RIPOR2: variants seen among roughly 807,000 people sequenced by gnomAD.
The protein encoded by RIPOR2 is RHO family interacting cell polarization regulator 2.
In RIPOR2, 39 loss-of-function variants were observed where a neutral mutation model predicts 114.5. That is an observed-to-expected ratio of 0.34 (90% CI 0.26 to 0.44). The LOEUF is 0.44. Among genes scored for constraint, RIPOR2 ranks in the 20% least tolerant of loss-of-function variants. The pLI is 1.00. For synonymous variants in RIPOR2, 445 were observed against 484.4 expected, an observed-to-expected ratio of 0.92 and a Z score of 1.07; for missense variants, 1,007 against 1,255.1, an observed-to-expected ratio of 0.80 and a Z score of 2.99.
rs559437929 is a variant in RIPOR2 at position 24,982,643 on chromosome 6, C to A, written c.76+59208G>T. 9.9e-5 allele frequency among the ~76,000 whole-genome samples: 15 copies of A among 152,252 alleles called. No individual in the cohort carries two copies. The South Asian group carries it at 2.3e-3, about 23-fold the overall frequency. On this transcript the variant is annotated intron_variant, in intron 1 of 13. Transcript: ENST00000510784. The stretch of plus-strand genomic sequence containing the variant: ...CAAATAAAAGTAGTTGGCTTATGTG[C>A]CTATGCTTCTCTACATATAAAATGG...
intron 1 of RIPOR2, among the ~76,000 whole-genome samples, chr6:24,921,832 C>CTTTT (rs199588662): frequency 1.3e-4 from 20 of 151,040 alleles, no homozygotes; most frequent in African/African-American, 4.4e-4. Context: ...TTCTTTCTTT[C>CTTTT]TTTTTTTTAA....
chr6:24,825,561 C>T (rs1760095633), intron 18 of RIPOR2, 133 bp from the exon 19 acceptor site: 1 of 651,334 alleles, frequency 1.5e-6, no homozygotes, highest in African/African-American at 1.8e-5. Context: ...AAATTAGCAT[C>T]TGATAAAGAT....
chr6:24,896,935 T>C (rs1767937709), intron 1 of RIPOR2, among the ~76,000 whole-genome samples: 1 of 152,110 alleles, frequency 6.6e-6, no homozygotes, highest in South Asian at 2.1e-4. Flanking sequence ...ATAAAGTTGG[T>C]ATTAAATGTG....
chr6:24,946,089 A>AT (rs34818168), intron 1 of RIPOR2, among the ~76,000 whole-genome samples: 17 of 149,454 alleles, frequency 1.1e-4, no homozygotes, highest in East Asian at 3.9e-4. Flanking sequence ...TTTTTAATTA[A>AT]TTTTTTTTTT....
rs70974954 is a variant in RIPOR2, at chr6:24,961,633, CTT to C, written c.76+80216_76+80217del. Among the ~76,000 whole-genome samples, 698 of 134,274 alleles carry C rather than the reference CTT, an allele frequency of 5.2e-3. 1 individual carries two copies. The highest frequency in any genetic ancestry group is 9.1e-3 in the Admixed American group (125 of 13,664). The allele number at this position is 134,274 out of a possible 152,430, so 88.1% of individuals were successfully genotyped here. On this transcript the variant is annotated intron_variant, in intron 1 of 13. Transcript: ENST00000510784. ...TTTGGGGTACAGTTGTTATTCTAAG[CTT>C]TTTTTTTTTTTTGAGACAGTCTCGC...
chr6:24,832,310 T>G lies in RIPOR2; in HGVS notation c.2290A>C (p.Lys764Gln). The part of the protein sequence containing the change: ...KLSRQIQVME[K>Q]LAAVSDENIG... The stretch of plus-strand genomic sequence containing the variant: ...TTCTCATCACTGACAGCTGCGAGTT[T>G]CTCCATCACTTGGATCTGCCTAGAA... The change falls in exon 16 of 22, where the codon AAA (lysine) becomes CAA (glutamine). Residue 764 changes from lysine (K) to glutamine (Q), a missense_variant. By Grantham distance (53) the Lys-to-Gln change is moderately conservative. Coordinates refer to ENST00000643898, the MANE Select transcript of RIPOR2 (RefSeq NM_001286445.3). 2 of 1,551,896 alleles carry G rather than the reference T, an allele frequency of 1.3e-6. No individual in the cohort carries two copies.
rs181171716 is a variant in RIPOR2, at chr6:24,902,497, G to T, written c.62-26680C>A. 1.6e-3 allele frequency among the ~76,000 whole-genome samples: 249 copies of T among 152,182 alleles called. 2 individuals carry two copies. Among genetic ancestry groups the T allele is most frequent in the Admixed American group, 6.4e-3 (98 of 15,298 alleles). On this transcript the variant is annotated intron_variant, in intron 1 of 21. Coordinates refer to ENST00000643898, the MANE Select transcript of RIPOR2 (RefSeq NM_001286445.3). ...CTCCCAAAGTGTAGGGATTACACGC[G>T]CAAGCCACCGCGACTGGCACTTTTC...
chr6:24,948,685 C>T (rs1371615929), intron 1 of RIPOR2, among the ~76,000 whole-genome samples: 1 of 152,112 alleles, frequency 6.6e-6, no homozygotes, highest in Non-Finnish European at 1.5e-5. Flanking sequence ...GCATGAGCCA[C>T]CACATCCAGC....
intron 1 of RIPOR2, among the ~76,000 whole-genome samples, chr6:24,885,525 A>G (rs77261228): frequency 6.6e-6 from 1 of 152,136 alleles, no homozygotes; most frequent in Non-Finnish European, 1.5e-5. Flanking sequence ...TGTCCGGCCA[A>G]AGTGGTACCT....
At chr6:24,927,219 TAC>T (rs1770979590) in intron 1 of RIPOR2, among the ~76,000 whole-genome samples, 2 of 27,160 alleles carry the variant, frequency 7.4e-5, no homozygotes, top group Admixed American at 5.3e-4. Context: ...CCACCACCAC[TAC>T]CACCAGCACC....
chr6:24,911,864 T>C (rs779799352), intron 1 of RIPOR2, among the ~76,000 whole-genome samples: 4 of 152,142 alleles, frequency 2.6e-5, no homozygotes, highest in Non-Finnish European at 4.4e-5. Context: ...ATTGTGTATT[T>C]AGAATATGTT....
At chr6:25,016,545 G>C (rs1465080554) in intron 1 of RIPOR2, among the ~76,000 whole-genome samples, 2 of 152,182 alleles carry the variant, frequency 1.3e-5, no homozygotes, top group African/African-American at 4.8e-5. Context: ...AGAGGAAAGA[G>C]AAGGAAGGAA....
At chr6:24,947,401 G>A (rs1404520753) in intron 1 of RIPOR2, among the ~76,000 whole-genome samples, 1 of 152,168 alleles carries the variant, frequency 6.6e-6, no homozygotes, top group Non-Finnish European at 1.5e-5. Flanking sequence ...CCTCTTTTGT[G>A]TACTAGAAGG....
intron 4 of RIPOR2, 80 bp from the exon 5 acceptor site, chr6:24,870,969 C>A (rs142781863): frequency 5.0e-6 from 4 of 804,672 alleles, no homozygotes; most frequent in Non-Finnish European, 7.7e-6. Context: ...ATTTAGCCCA[C>A]ATTTGCACAT....
At chr6:25,007,986 T>C (rs867703245) in intron 1 of RIPOR2, among the ~76,000 whole-genome samples, 3 of 152,290 alleles carry the variant, frequency 2.0e-5, no homozygotes, top group African/African-American at 7.2e-5. Flanking sequence ...ATACCTCCAA[T>C]GAAAATGTCA....
chr6:25,007,565 T>A (rs1775607986), intron 1 of RIPOR2, among the ~76,000 whole-genome samples: 1 of 152,168 alleles, frequency 6.6e-6, no homozygotes, highest in South Asian at 2.1e-4. Flanking sequence ...ATGCAGGCAA[T>A]TATTATCTTT....
rs1780675785 is a variant in RIPOR2, at chr6:24,804,709, T to C, written c.*1664A>G. 1 of 152,204 alleles carries C rather than the reference T, an allele frequency of 6.6e-6. No individual in the cohort carries two copies. The highest frequency in any genetic ancestry group is 2.1e-4 in the South Asian group (1 of 4,828). 9.4% of individuals were successfully genotyped at this position (152,204 alleles called of 1,614,324 possible). A position where few individuals can be genotyped will look rare whatever the true frequency, so the allele number is the denominator to read the frequency against. The stretch of plus-strand genomic sequence containing the variant: ...CACTTTGAAATGAAATGAGTCCTTT[T>C]TAAAAGTCTTGCTAAAATGTAAATA... On this transcript the variant is annotated 3_prime_UTR_variant, in exon 22 of 22. Transcript: ENST00000643898.
chr6:25,005,045 T>A (rs1775492899), intron 1 of RIPOR2, among the ~76,000 whole-genome samples: 1 of 150,822 alleles, frequency 6.6e-6, no homozygotes, highest in Non-Finnish European at 1.5e-5. Flanking sequence ...TGCTGTGTCA[T>A]CCATTCTATT....
At chr6:24,936,095 G>C (rs963572924), upstream of RIPOR2, 4 of 545,402 alleles carry the variant, frequency 7.3e-6, no homozygotes, top group African/African-American at 3.8e-5. Context: ...TCCCAGGTGG[G>C]GTAATTCTCA....
Sources: gnomAD v4.1 joint callset for allele counts (sites outside exome capture counted in the v4.1 genomes callset) on GRCh38, gnomAD v4.1.1 for gene constraint, MANE v1.5 for transcripts, NCBI Gene and HGNC (gene_info 2026-07-23, HGNC 2026-07-21) for gene names.